Variants in CCDC171 observed in about 807,000 individuals in gnomAD.
The protein encoded by CCDC171 is coiled-coil domain containing 171, also known as coiled-coil domain-containing protein 171.
CCDC171 carries 177 observed loss-of-function variants against 168.2 expected under a neutral mutation model. The ratio of observed to expected loss-of-function variants is 1.05; its 90% CI spans 0.93 to 1.19. The LOEUF (loss-of-function observed/expected upper bound fraction) is 1.19, where lower values mean the gene tolerates loss of function less well. Ranked by LOEUF, CCDC171 falls within the 50% of genes most tolerant of loss-of-function variation. The pLI, the probability that CCDC171 is intolerant of heterozygous loss-of-function variation, is 0.00. For missense variants in CCDC171, 1,991 were observed against 1,539.0 expected, an observed-to-expected ratio of 1.29 and a Z score of -4.91; for synonymous variants, 687 against 540.8, an observed-to-expected ratio of 1.27 and a Z score of -3.75.
intron 7 of CCDC171, among the ~76,000 whole-genome samples, chr9:15,652,403 A>T (rs77714912): frequency 6.6e-6 from 1 of 151,188 alleles, no homozygotes; most frequent in South Asian, 2.1e-4. Flanking sequence ...ATATGAATCT[A>T]TATGTGTATC....
At chr9:15,895,393 T>C (rs954881285) in intron 24 of CCDC171, among the ~76,000 whole-genome samples, 1 of 152,126 alleles carries the variant, frequency 6.6e-6, no homozygotes, top group Non-Finnish European at 1.5e-5. Context: ...CTCTTAGATA[T>C]CAAAAATTCA....
In CCDC171 at chr9:15,777,699, C is replaced by G. The variant is rs906835052; in HGVS notation, c.2771C>G (p.Pro924Arg). 1.5e-5 allele frequency: 24 copies of G among 1,613,638 alleles called. No homozygotes were observed. Among genetic ancestry groups the G allele is most frequent in the Non-Finnish European group, 1.8e-5 (21 of 1,179,760 alleles). The change falls in exon 19 of 26, where the codon CCT becomes CGT. Residue 924 changes from proline to arginine, a missense_variant. By Grantham distance (103) the Pro-to-Arg change is moderately radical. Transcript: ENST00000380701. ...DKISLVMECI[P>R]LHSSRSITYV... ...ATTAGTCTGGTAATGGAATGTATAC[C>G]TCTGCACAGTAGCAGGAGTATTACA...
chr9:15,623,363 G>C lies in CCDC171; in HGVS notation c.772G>C (p.Glu258Gln), dbSNP rs1367323074. The C allele has an allele frequency of 6.2e-7, 1 of 1,611,980 alleles. No individual in the cohort carries two copies. The highest frequency in any genetic ancestry group is 1.3e-5 in the African/African-American group (1 of 74,872). ...CSDLLRRQTS[E>Q]LEFSTQREER... ...TGACCTTTTACGGCGACAAACAAGT[G>C]AACTTGAATTTAGCACTCAACGAGA... is the stretch of plus-strand genomic sequence containing the variant. Residue 258 changes from glutamate to glutamine, a missense_variant, in exon 7 of 26, where the codon GAA (glutamate) becomes CAA (glutamine). Physicochemically the swap from Glu to Gln is conservative, Grantham distance 29. Coordinates refer to ENST00000380701, the MANE Select transcript of CCDC171 (RefSeq NM_173550.4).
At chr9:15,969,863 G>A (rs1239458381) in intron 25 of CCDC171, among the ~76,000 whole-genome samples, 4 of 152,136 alleles carry the variant, frequency 2.6e-5, no homozygotes, top group Non-Finnish European at 5.9e-5. Flanking sequence ...AAATGCAGAT[G>A]TGTACACCTC....
intron 7 of CCDC171, among the ~76,000 whole-genome samples, chr9:15,637,553 T>C (rs1301344591): frequency 2.6e-5 from 4 of 151,756 alleles, no homozygotes; most frequent in South Asian, 4.2e-4. Flanking sequence ...TGTGCCATGC[T>C]GGTGTGCTGC....
chr9:16,028,405 C>G (rs1450267807), intron 6 of CCDC171, among the ~76,000 whole-genome samples: 1 of 152,002 alleles, frequency 6.6e-6, no homozygotes, highest in Admixed American at 6.6e-5. Context: ...CAAAGTAGAT[C>G]TAGTACAAAA....
intron 7 of CCDC171, among the ~76,000 whole-genome samples, chr9:15,642,635 A>G (rs2046733388): frequency 6.6e-6 from 1 of 151,668 alleles, no homozygotes. Flanking sequence ...AACAAACCCT[A>G]CTCTTGGAAG....
At chr9:15,674,487 G>T (rs1004318129) in intron 9 of CCDC171, among the ~76,000 whole-genome samples, 10 of 152,006 alleles carry the variant, frequency 6.6e-5, no homozygotes, top group African/African-American at 2.4e-4. Flanking sequence ...GCTTTCTCTT[G>T]TGGGCATTTA....
chr9:15,702,518 G>A (rs1332466273), intron 11 of CCDC171, among the ~76,000 whole-genome samples: 1 of 152,064 alleles, frequency 6.6e-6, no homozygotes, highest in Non-Finnish European at 1.5e-5. Context: ...TGGCAAATGA[G>A]CATTGGCTTC....
intron 11 of CCDC171, among the ~76,000 whole-genome samples, chr9:15,710,534 C>T (rs970073461): frequency 2.0e-5 from 3 of 152,032 alleles, no homozygotes; most frequent in Non-Finnish European, 4.4e-5. Flanking sequence ...ATCTCCTGAC[C>T]TCATGATCCG....
At chr9:15,557,506 G>A (rs1417286973) in intron 1 of CCDC171, among the ~76,000 whole-genome samples, 1 of 152,094 alleles carries the variant, frequency 6.6e-6, no homozygotes, top group Non-Finnish European at 1.5e-5. Context: ...TGTAGCAATT[G>A]GGAATGGGAA....
intron 18 of CCDC171, among the ~76,000 whole-genome samples, chr9:15,771,076 A>G (rs2056988183): frequency 6.6e-6 from 1 of 152,186 alleles, no homozygotes; most frequent in African/African-American, 2.4e-5. Flanking sequence ...CACTGTATAT[A>G]TCTACTGTAA....
At chr9:15,641,902 G>A (rs1256085471) in intron 7 of CCDC171, among the ~76,000 whole-genome samples, 3 of 152,100 alleles carry the variant, frequency 2.0e-5, no homozygotes, top group Admixed American at 1.3e-4. Context: ...AGTGGCTCAC[G>A]CCTGTAATCC....
intron 25 of CCDC171, among the ~76,000 whole-genome samples, chr9:15,933,110 T>G (rs1321385115): frequency 6.6e-6 from 1 of 152,020 alleles, no homozygotes; most frequent in Non-Finnish European, 1.5e-5. Flanking sequence ...CCTCATAAAC[T>G]GAATTTAAAA....
intron 6 of CCDC171, among the ~76,000 whole-genome samples, chr9:15,601,234 G>A (rs1225512505): frequency 2.6e-5 from 4 of 152,180 alleles, no homozygotes; most frequent in Admixed American, 1.3e-4. Flanking sequence ...GCTCTTGCTG[G>A]GAGCTGTAGA....
At chr9:15,838,002 A>G (rs976826250) in intron 21 of CCDC171, among the ~76,000 whole-genome samples, 1 of 152,154 alleles carries the variant, frequency 6.6e-6, no homozygotes, top group African/African-American at 2.4e-5. Context: ...ACTGAGTTCA[A>G]TTGTTAATCC....
the CCDC171 span, among the ~76,000 whole-genome samples, chr9:16,074,812 T>C: frequency 7.2e-4 from 109 of 152,186 alleles, no homozygotes; most frequent in African/African-American, 2.5e-3. Context: ...GAGGGTAAGG[T>C]ATGAAAAATG....
chr9:15,586,478 T>G (rs925589207), intron 4 of CCDC171, among the ~76,000 whole-genome samples: 3 of 152,082 alleles, frequency 2.0e-5, no homozygotes, highest in Admixed American at 1.3e-4. Flanking sequence ...AAATCCTAAG[T>G]CAGGAGTGGG....
intron 10 of CCDC171, among the ~76,000 whole-genome samples, chr9:15,691,070 A>G (rs1444268206): frequency 6.6e-6 from 1 of 152,198 alleles, no homozygotes; most frequent in Non-Finnish European, 1.5e-5. Context: ...TTGCCTCATT[A>G]AATCTATTTC....
Sources: gnomAD v4.1 joint callset for allele counts (sites outside exome capture counted in the v4.1 genomes callset) on GRCh38, gnomAD v4.1.1 for gene constraint, MANE v1.5 for transcripts, NCBI Gene and HGNC (gene_info 2026-07-23, HGNC 2026-07-21) for gene names.